Variants in SCRN3 observed in about 807,000 individuals in gnomAD.
SCRN3 encodes the protein secernin-3.
A neutral mutation model predicts 43.1 loss-of-function variants in SCRN3; 39 were observed. That is an observed-to-expected ratio of 0.91 (90% CI 0.70 to 1.18). SCRN3 has a LOEUF of 1.18. Ranked by LOEUF, SCRN3 falls within the 50% of genes most tolerant of loss-of-function variation. The probability of loss-of-function intolerance (pLI) is 0.00; values close to 1 mark genes in which losing one functional copy is unlikely to be tolerated. For synonymous variants in SCRN3, 147 were observed against 163.1 expected, an observed-to-expected ratio of 0.90 and a Z score of 0.75; for missense variants, 484 against 498.0, an observed-to-expected ratio of 0.97 and a Z score of 0.27.
At chr2:174,426,362 C>T (rs532938513) in intron 7 of SCRN3, among the ~76,000 whole-genome samples, 4 of 152,258 alleles carry the variant, frequency 2.6e-5, no homozygotes, top group African/African-American at 7.2e-5. Context: ...TTTTTTCCCA[C>T]TAATATGAAA....
At chr2:174,424,685 T>G in intron 7 of SCRN3, 36 bp downstream of exon 7, 1 of 1,520,934 alleles carries the variant, frequency 6.6e-7, no homozygotes, top group Non-Finnish European at 9.0e-7. Flanking sequence ...TATCATTAAG[T>G]GTAAAGTTAG....
Position 174,427,867 on chromosome 2 carries a change from C to A in SCRN3, c.1247C>A (p.Ser416Ter). ...CTKDEIQIYQ[S>*]NLSVKVSS is the part of the protein sequence containing the mutation. ...AAAGATGAAATTCAAATTTATCAGT[C>A]AAATTTATCAGTCAAAGTTAGTTCT... is the stretch of plus-strand genomic sequence containing the variant. The change falls in exon 8 of 8, where the codon TCA becomes TAA. Residue 416 changes from serine (S) to a stop codon, truncating the protein, a stop_gained. Transcript: ENST00000272732. LOFTEE classifies it high-confidence loss of function. The A allele has an allele frequency of 6.3e-7, 1 of 1,581,578 alleles. No homozygotes were observed. Among genetic ancestry groups the A allele is most frequent in the South Asian group, 1.1e-5 (1 of 89,760 alleles).
chr2:174,415,194 A>G (rs191126839), intron 5 of SCRN3, among the ~76,000 whole-genome samples: 17 of 152,366 alleles, frequency 1.1e-4, no homozygotes, highest in African/African-American at 4.1e-4. Context: ...AGTTACATAA[A>G]TTTAAATTAC....
At chr2:174,402,974 A>G (rs1362746867) in intron 4 of SCRN3, among the ~76,000 whole-genome samples, 1 of 152,022 alleles carries the variant, frequency 6.6e-6, no homozygotes, top group Non-Finnish European at 1.5e-5. Flanking sequence ...GCTTCATGCC[A>G]TAATATTTTT....
At chr2:174,398,015 G>A (rs1182372553) in intron 1 of SCRN3, among the ~76,000 whole-genome samples, 1 of 151,948 alleles carries the variant, frequency 6.6e-6, no homozygotes, top group Non-Finnish European at 1.5e-5. Context: ...GTAATCCCAG[G>A]GCTTTGGGAG....
At chr2:174,411,346 T>G (rs886605257) in intron 5 of SCRN3, among the ~76,000 whole-genome samples, 1 of 144,522 alleles carries the variant, frequency 6.9e-6, no homozygotes, top group Non-Finnish European at 1.6e-5. Context: ...ATAATGAATC[T>G]ACATGTATTT....
chr2:174,398,179 T>G, intron 1 of SCRN3, 96 bp from the exon 2 acceptor site: 1 of 698,614 alleles, frequency 1.4e-6, no homozygotes, highest in South Asian at 2.3e-5. Context: ...CTTAATTAGA[T>G]ATGGCAATAA....
intron 5 of SCRN3, among the ~76,000 whole-genome samples, chr2:174,405,724 C>T (rs1368372241): frequency 6.7e-6 from 1 of 150,126 alleles, no homozygotes; most frequent in Non-Finnish European, 1.5e-5. Context: ...AATCCTTTCC[C>T]CATTGCTTGT....
rs147035432 is a variant in SCRN3, at chr2:174,412,425, T to C, written c.754+8110T>C. Among the ~76,000 whole-genome samples, 133 of 152,070 alleles carry C rather than the reference T, an allele frequency of 8.7e-4. 2 individuals are homozygous for C. The highest frequency in any genetic ancestry group is 2.8e-3 in the African/African-American group (116 of 41,472). On this transcript the variant is annotated intron_variant, in intron 5 of 7. Transcript: ENST00000272732. ...AAACTCCAGTCCTGAATCTGCAATC[T>C]TGTGATGGTTATGTGATGAGGGTAG...
intron 1 of SCRN3, chr2:174,397,349 T>C (rs1259127209): frequency 2.6e-5 from 26 of 983,034 alleles, no homozygotes; most frequent in Non-Finnish European, 3.1e-5. Context: ...AATAAGGACC[T>C]TTAGGTGTTC....
intron 7 of SCRN3, among the ~76,000 whole-genome samples, chr2:174,425,914 C>T (rs1429884414): frequency 1.3e-5 from 2 of 152,086 alleles, no homozygotes; most frequent in African/African-American, 2.4e-5. Context: ...AAAGCCTTCT[C>T]CTATGTCTAT....
At chr2:174,419,568 C>T (rs1042976029) in intron 5 of SCRN3, among the ~76,000 whole-genome samples, 6 of 151,562 alleles carry the variant, frequency 4.0e-5, no homozygotes, top group African/African-American at 1.2e-4. Context: ...TGGTAATAGA[C>T]GGCGGACTTG....
chr2:174,400,226 T>G, intron 3 of SCRN3, 123 bp downstream of exon 3: 1 of 650,900 alleles, frequency 1.5e-6, no homozygotes, highest in South Asian at 2.5e-5. Flanking sequence ...TGTGTCAAAA[T>G]GGTTTAAAGT....
At chr2:174,418,441 T>C (rs531815856) in intron 5 of SCRN3, among the ~76,000 whole-genome samples, 1 of 152,330 alleles carries the variant, frequency 6.6e-6, no homozygotes, top group East Asian at 1.9e-4. Flanking sequence ...GAATCTATAT[T>C]CACTCATATA....
At chr2:174,410,565 A>G (rs1173899101) in intron 5 of SCRN3, 1 of 152,226 alleles carries the variant, frequency 6.6e-6, no homozygotes, top group Non-Finnish European at 1.5e-5. Flanking sequence ...CAGATTTTCA[A>G]TGCTCAGATG....
At chr2:174,404,061 A>G in intron 4 of SCRN3, 42 bp from the exon 5 acceptor site, 1 of 1,456,534 alleles carries the variant, frequency 6.9e-7, no homozygotes, top group African/African-American at 1.4e-5. Context: ...TATGTTAAAT[A>G]TGACTTTTCT....
In SCRN3 at chr2:174,424,471, C is replaced by T. The variant is rs1251642513; in HGVS notation, c.918-4C>T. On this transcript the variant is annotated splice_polypyrimidine_tract_variant and splice_region_variant and intron_variant, in intron 6 of 7. Coordinates refer to ENST00000272732, the MANE Select transcript of SCRN3 (RefSeq NM_024583.5). Reference sequence around the variant, plus strand: ...GATAATTTAATAAAGACTCTTTTTTCTAGATCTGTTTTTAAGCCTTTCATA... The same window carrying T: ...GATAATTTAATAAAGACTCTTTTTTTTAGATCTGTTTTTAAGCCTTTCATA... 3.2e-6 allele frequency: 5 copies of T among 1,567,100 alleles called. No individual in the cohort carries two copies. The highest frequency in any genetic ancestry group is 3.6e-5 in the Admixed American group (2 of 55,114).
chr2:174,411,249 C>T (rs2105593380), intron 5 of SCRN3, among the ~76,000 whole-genome samples: 1 of 152,258 alleles, frequency 6.6e-6, no homozygotes, highest in South Asian at 2.1e-4. Flanking sequence ...CCCAGCATAC[C>T]TGTATTTCTA....
chr2:174,412,860 C>CTTT lies in SCRN3; in HGVS notation c.754+8567_754+8569dup, dbSNP rs71024803. 5.2e-3 allele frequency among the ~76,000 whole-genome samples: 324 copies of CTTT among 61,902 alleles called. 1 individual carries two copies. Among genetic ancestry groups the CTTT allele is most frequent in the Non-Finnish European group, 7.0e-3 (247 of 35,356 alleles). 40.6% of individuals were successfully genotyped at this position (61,902 alleles called of 152,430 possible). A position where few individuals can be genotyped will look rare whatever the true frequency, so the allele number is the denominator to read the frequency against. On this transcript the variant is annotated intron_variant, in intron 5 of 7. Transcript: ENST00000272732. ...ACAACTGCTCAGTTTCCATATAGTG[C>CTTT]TTTTTTTTTTTTTTTTTTTTTTTTG...
Sources: allele counts gnomAD v4.1 joint callset (sites outside exome capture counted in the v4.1 genomes callset), GRCh38; gene constraint gnomAD v4.1.1; transcripts MANE v1.5; gene names NCBI Gene and HGNC (gene_info 2026-07-23, HGNC 2026-07-21).